UNC13C: variants seen among roughly 807,000 people sequenced by gnomAD.
The protein encoded by UNC13C is unc-13 homolog C.
In UNC13C, 174 loss-of-function variants were observed where a neutral mutation model predicts 245.4. That is an observed-to-expected ratio of 0.71 (90% CI 0.63 to 0.80). The LOEUF is 0.80. Ranked by LOEUF, UNC13C falls within the 30% of genes least tolerant of loss-of-function variation. UNC13C has a pLI of 0.00. For synonymous variants in UNC13C, 992 were observed against 895.1 expected, an observed-to-expected ratio of 1.11 and a Z score of -1.93; for missense variants, 2,829 against 2,602.9, an observed-to-expected ratio of 1.09 and a Z score of -1.89.
At chr15:53,851,531 T>G in the UNC13C span, among the ~76,000 whole-genome samples, 1 of 152,152 alleles carries the variant, frequency 6.6e-6, no homozygotes, top group African/African-American at 2.4e-5. Flanking sequence ...TCTCTCTCTC[T>G]TTCTCTCTCT....
intron 19 of UNC13C, among the ~76,000 whole-genome samples, chr15:54,451,846 G>A (rs1405456923): frequency 6.6e-6 from 1 of 151,964 alleles, no homozygotes; most frequent in East Asian, 1.9e-4. Flanking sequence ...TGTTTCTTGT[G>A]TCCTTATCTT....
the UNC13C span, among the ~76,000 whole-genome samples, chr15:53,937,938 T>C: frequency 6.6e-6 from 1 of 152,076 alleles, no homozygotes; most frequent in Non-Finnish European, 1.5e-5. Context: ...CACAATGAAG[T>C]ACACAGACCA....
At chr15:54,307,806 A>G (rs1430658971) in intron 13 of UNC13C, among the ~76,000 whole-genome samples, 1 of 151,872 alleles carries the variant, frequency 6.6e-6, no homozygotes, top group Non-Finnish European at 1.5e-5. Flanking sequence ...AACCCATAGC[A>G]TCTTTGAGAA....
chr15:54,310,772 A>ATATC (rs766527307), intron 13 of UNC13C, among the ~76,000 whole-genome samples: 2 of 145,556 alleles, frequency 1.4e-5, no homozygotes, highest in African/African-American at 2.8e-5. Context: ...ATCTATATCT[A>ATATC]TATCTATATA....
chr15:54,479,050 A>G (rs1337892442), intron 19 of UNC13C, among the ~76,000 whole-genome samples: 1 of 151,880 alleles, frequency 6.6e-6, no homozygotes, highest in African/African-American at 2.4e-5. Context: ...ATTATTGAAG[A>G]GGGTATCTGT....
chr15:53,891,368 A>G, the UNC13C span, among the ~76,000 whole-genome samples: 1 of 152,120 alleles, frequency 6.6e-6, no homozygotes, highest in East Asian at 1.9e-4. Context: ...TTCTGTGCAT[A>G]TCTATTAGGT....
intron 17 of UNC13C, among the ~76,000 whole-genome samples, chr15:54,345,155 G>T (rs542872751): frequency 2.0e-5 from 3 of 152,194 alleles, no homozygotes; most frequent in African/African-American, 7.2e-5. Flanking sequence ...GATGTGCAGG[G>T]AAGTAATGTG....
chr15:54,411,822 T>C (rs2040422248), intron 18 of UNC13C, among the ~76,000 whole-genome samples: 1 of 152,192 alleles, frequency 6.6e-6, no homozygotes, highest in Non-Finnish European at 1.5e-5. Flanking sequence ...TTTGTTAATT[T>C]CCACAAGAAA....
chr15:54,565,907 A>G (rs1249120155), intron 29 of UNC13C, among the ~76,000 whole-genome samples: 2 of 151,878 alleles, frequency 1.3e-5, no homozygotes, highest in Non-Finnish European at 2.9e-5. Flanking sequence ...GCAAATTTTC[A>G]TTTTATCAGT....
At chr15:54,170,156 A>G (rs988226316) in intron 4 of UNC13C, among the ~76,000 whole-genome samples, 7 of 152,098 alleles carry the variant, frequency 4.6e-5, no homozygotes, top group African/African-American at 1.2e-4. Flanking sequence ...TGTTTAGAAG[A>G]AAAAAAGAAA....
At chr15:54,500,572 C>T (rs1894163134) in intron 21 of UNC13C, among the ~76,000 whole-genome samples, 1 of 152,028 alleles carries the variant, frequency 6.6e-6, no homozygotes, top group Admixed American at 6.6e-5. Flanking sequence ...AACCTATTGC[C>T]TGTGGAGAAA....
At chr15:54,478,145 T>C (rs371460345) in intron 19 of UNC13C, among the ~76,000 whole-genome samples, 6 of 151,172 alleles carry the variant, frequency 4.0e-5, no homozygotes, top group Non-Finnish European at 7.4e-5. Context: ...TCTGTGGGAT[T>C]GGTGGTGATA....
At chr15:54,145,109 T>A (rs2032198824) in intron 4 of UNC13C, among the ~76,000 whole-genome samples, 1 of 152,004 alleles carries the variant, frequency 6.6e-6, no homozygotes, top group South Asian at 2.1e-4. Context: ...TAAATATATA[T>A]ACATATATAT....
intron 30 of UNC13C, among the ~76,000 whole-genome samples, chr15:54,605,736 C>T (rs1899733478): frequency 6.6e-6 from 1 of 152,120 alleles, no homozygotes; most frequent in Non-Finnish European, 1.5e-5. Flanking sequence ...TTCAGTCAAC[C>T]AGGATGCAGC....
chr15:53,939,077 T>C, the UNC13C span, among the ~76,000 whole-genome samples: 1 of 150,426 alleles, frequency 6.6e-6, no homozygotes, highest in Non-Finnish European at 1.5e-5. Flanking sequence ...TTTGCAAAAA[T>C]TGAGAAAATA....
intron 19 of UNC13C, among the ~76,000 whole-genome samples, chr15:54,453,428 T>G (rs1246116805): frequency 1.3e-5 from 2 of 152,226 alleles, no homozygotes; most frequent in African/African-American, 4.8e-5. Flanking sequence ...GTTAGATGCC[T>G]CTAGTCAGCC....
At chr15:54,245,737 C>T (rs906843548) in intron 7 of UNC13C, among the ~76,000 whole-genome samples, 1 of 151,910 alleles carries the variant, frequency 6.6e-6, no homozygotes, top group Non-Finnish European at 1.5e-5. Flanking sequence ...TATACTTCAC[C>T]GAAGAGTAGA....
chr15:54,038,047 T>A (rs892642031), intron 2 of UNC13C, among the ~76,000 whole-genome samples: 3 of 146,228 alleles, frequency 2.1e-5, no homozygotes, highest in Non-Finnish European at 4.5e-5. Context: ...ATAGATTCTC[T>A]TATGCTTTTA....
intron 2 of UNC13C, among the ~76,000 whole-genome samples, chr15:54,081,151 G>T (rs1898917068): frequency 6.6e-6 from 1 of 151,940 alleles, no homozygotes; most frequent in Non-Finnish European, 1.5e-5. Flanking sequence ...TTTAAATTTT[G>T]TTTTGTGGTC....
Sources: gnomAD v4.1 joint callset for allele counts (sites outside exome capture counted in the v4.1 genomes callset) on GRCh38, gnomAD v4.1.1 for gene constraint, MANE v1.5 for transcripts, NCBI Gene and HGNC (gene_info 2026-07-23, HGNC 2026-07-21) for gene names.